Variants in PIP5K1B observed in about 807,000 individuals in gnomAD.
PIP5K1B encodes the protein phosphatidylinositol-4-phosphate 5-kinase type 1 beta, also known as phosphatidylinositol 4-phosphate 5-kinase type-1 beta.
Under a neutral mutation model 67.0 loss-of-function variants are expected in PIP5K1B, and 42 were observed. The observed-to-expected ratio is 0.63, with a 90% confidence interval of 0.49 to 0.81. The LOEUF is 0.81. Among genes scored for constraint, PIP5K1B ranks in the 30% least tolerant of loss-of-function variants. The pLI, the probability that PIP5K1B is intolerant of heterozygous loss-of-function variation, is 0.00. For missense variants in PIP5K1B, 459 were observed against 646.3 expected (o/e 0.71, Z 3.14); for synonymous variants, 214 against 231.4 (o/e 0.92, Z 0.68).
chr9:68,744,451 A>G (rs187892046), intron 2 of PIP5K1B, among the ~76,000 whole-genome samples: 2 of 152,328 alleles, frequency 1.3e-5, no homozygotes, highest in Admixed American at 1.3e-4. Flanking sequence ...AAAAAGCCCC[A>G]CTTTAATTTG....
intron 2 of PIP5K1B, among the ~76,000 whole-genome samples, chr9:68,801,648 G>A (rs1416032668): frequency 6.6e-6 from 1 of 152,180 alleles, no homozygotes; most frequent in Non-Finnish European, 1.5e-5. Flanking sequence ...CATTTGGTCA[G>A]GCTGGACGGA....
At chr9:68,888,955 T>C in intron 6 of PIP5K1B, 26 bp from the exon 7 acceptor site, 1 of 1,531,548 alleles carries the variant, frequency 6.5e-7, no homozygotes, top group Non-Finnish European at 9.0e-7. Context: ...GTATATGTTT[T>C]AATGTTTATT....
chr9:68,809,432 C>T (rs1312695084), intron 2 of PIP5K1B, among the ~76,000 whole-genome samples: 3 of 152,092 alleles, frequency 2.0e-5, no homozygotes, highest in Non-Finnish European at 4.4e-5. Flanking sequence ...AAGAATAGCT[C>T]CCTAGGTTTT....
intron 14 of PIP5K1B, among the ~76,000 whole-genome samples, chr9:68,949,049 C>CA: frequency 6.7e-6 from 1 of 150,360 alleles, no homozygotes; most frequent in African/African-American, 2.4e-5. Flanking sequence ...ATCATATTGC[C>CA]AAAAAAAGTG....
chr9:68,826,611 A>C (rs1262509239), intron 4 of PIP5K1B, among the ~76,000 whole-genome samples: 1 of 152,184 alleles, frequency 6.6e-6, no homozygotes, highest in Non-Finnish European at 1.5e-5. Context: ...AAAAAGGAGG[A>C]TGCAAAAGAA....
At chr9:68,892,688 A>G (rs1048056921) in intron 7 of PIP5K1B, among the ~76,000 whole-genome samples, 13 of 152,242 alleles carry the variant, frequency 8.5e-5, no homozygotes, top group African/African-American at 2.9e-4. Context: ...ACTTTGGGAT[A>G]TAAAAAAGCT....
chr9:68,872,081 G>A (rs1823652537), intron 5 of PIP5K1B, among the ~76,000 whole-genome samples: 1 of 152,208 alleles, frequency 6.6e-6, no homozygotes, highest in Non-Finnish European at 1.5e-5. Context: ...TGGACTTCAG[G>A]AGGCAAACGT....
rs1488509037 is a variant in PIP5K1B, at chr9:68,894,546, G to T, written c.679G>T (p.Asp227Tyr). The change falls in exon 8 of 16, where the codon GAC (aspartate) becomes TAC (tyrosine). Residue 227 changes from aspartate (D) to tyrosine (Y), a missense_variant. By Grantham distance (160) the Asp-to-Tyr change is radical (BLOSUM62 -3). This residue lies in a region of PIP5K1B where 290 missense variants were observed against 474.4 expected (regional missense o/e 0.61). Coordinates refer to ENST00000265382, the MANE Select transcript of PIP5K1B (RefSeq NM_003558.4). ...EREKSNPTFK[D>Y]LDFLQDMHEG... ...AGAGAAATCCAACCCCACATTTAAG[G>T]ACTTAGATTTCCTGCAAGACATGCA... 1.2e-6 allele frequency: 2 copies of T among 1,613,998 alleles called. No homozygotes were observed. The highest frequency in any genetic ancestry group is 1.7e-6 in the Non-Finnish European group (2 of 1,180,004).
chr9:68,792,593 T>C (rs1190270099), intron 2 of PIP5K1B, among the ~76,000 whole-genome samples: 1 of 152,042 alleles, frequency 6.6e-6, no homozygotes, highest in Admixed American at 6.6e-5. Flanking sequence ...ATTCTCCTGC[T>C]TCAGCCTCCC....
intron 3 of PIP5K1B, among the ~76,000 whole-genome samples, chr9:68,820,027 G>A (rs999147552): frequency 4.6e-5 from 7 of 152,044 alleles, no homozygotes; most frequent in South Asian, 2.1e-4. Context: ...CTCATCCTCC[G>A]TCCTTCATTC....
At chr9:68,862,485 G>T (rs1366719650) in intron 4 of PIP5K1B, among the ~76,000 whole-genome samples, 1 of 152,078 alleles carries the variant, frequency 6.6e-6, no homozygotes, top group African/African-American at 2.4e-5. Flanking sequence ...GAAGTGACAG[G>T]AGAGACTATA....
chr9:68,923,872 C>G (rs1366912822), intron 12 of PIP5K1B, among the ~76,000 whole-genome samples: 1 of 152,012 alleles, frequency 6.6e-6, no homozygotes, highest in Non-Finnish European at 1.5e-5. Context: ...TGAAATCATA[C>G]AAAGTATCTT....
chr9:68,973,728 G>A lies in PIP5K1B; in HGVS notation c.1503-17412G>A, dbSNP rs186172929. 3.3e-3 allele frequency among the ~76,000 whole-genome samples: 496 copies of A among 152,262 alleles called. 1 individual carries two copies. Among genetic ancestry groups the A allele is most frequent in the African/African-American group, 0.012 (482 of 41,554 alleles). On this transcript the variant is annotated intron_variant, in intron 14 of 15. Transcript: ENST00000265382. The stretch of plus-strand genomic sequence containing the variant: ...GTAAATGGTTACATATCTGACCTAA[G>A]GGTGGAATTCAGAGCTCCTGAACAC...
chr9:68,725,753 A>G (rs1828119194), intron 1 of PIP5K1B, among the ~76,000 whole-genome samples: 2 of 152,170 alleles, frequency 1.3e-5, no homozygotes, highest in Admixed American at 1.3e-4. Flanking sequence ...AGAAAGCAAA[A>G]CTCATACTTA....
chr9:68,942,705 AT>A (rs1293252196), intron 14 of PIP5K1B, among the ~76,000 whole-genome samples: 1 of 152,190 alleles, frequency 6.6e-6, no homozygotes, highest in African/African-American at 2.4e-5. Context: ...GAGGGGGAAA[AT>A]AAAAAGTTAT....
intron 2 of PIP5K1B, among the ~76,000 whole-genome samples, chr9:68,749,729 A>C (rs996681658): frequency 6.6e-6 from 1 of 152,180 alleles, no homozygotes; most frequent in Admixed American, 6.5e-5. Flanking sequence ...TAGGGGCCAG[A>C]ACATTCTTTG....
intron 8 of PIP5K1B, among the ~76,000 whole-genome samples, chr9:68,899,623 C>G (rs1211618736): frequency 6.6e-6 from 1 of 152,158 alleles, no homozygotes; most frequent in Non-Finnish European, 1.5e-5. Flanking sequence ...AGATTATCTC[C>G]ATTTTGAATC....
intron 15 of PIP5K1B, among the ~76,000 whole-genome samples, chr9:68,994,037 ATTTTTTTTT>A (rs67700788): frequency 1.7e-5 from 2 of 118,592 alleles, no homozygotes; most frequent in African/African-American, 6.2e-5. Context: ...TTTTTCCTGA[ATTTTTTTTT>A]TTTTTTTTTT....
At position 68,801,230 on chromosome 9, in the gene PIP5K1B, G is replaced by T. The variant is rs1290902558; in HGVS notation, c.-85-17231G>T. Among the ~76,000 whole-genome samples, 4 of 152,136 alleles carry T rather than the reference G, an allele frequency of 2.6e-5. No homozygotes were observed. In the East Asian group the frequency reaches 7.7e-4, roughly 29 times the overall value. ...ATTCTGCTGAAAATTCTCAAAGGAG[G>T]GCTATCCAAGGGAAAATAACAAGCC... On this transcript the variant is annotated intron_variant, in intron 2 of 15. Coordinates refer to ENST00000265382, the MANE Select transcript of PIP5K1B (RefSeq NM_003558.4).
Sources: gnomAD v4.1 joint callset for allele counts (sites outside exome capture counted in the v4.1 genomes callset) on GRCh38, gnomAD v4.1.1 for gene constraint, gnomAD v4.1.1 regional missense constraint, MANE v1.5 for transcripts, NCBI Gene and HGNC (gene_info 2026-07-23, HGNC 2026-07-21) for gene names.